CD82: variants seen among roughly 807,000 people sequenced by gnomAD.
CD82 encodes CD82 antigen.
In CD82, 36 loss-of-function variants were observed where a neutral mutation model predicts 37.4. The ratio of observed to expected loss-of-function variants is 0.96; its 90% CI spans 0.74 to 1.27. The LOEUF (loss-of-function observed/expected upper bound fraction) is 1.27, where lower values mean the gene tolerates loss of function less well. Ranked by LOEUF, CD82 falls within the 50% of genes most tolerant of loss-of-function variation. The pLI is 0.00. For missense variants in CD82, 340 were observed against 347.0 expected (o/e 0.98, Z 0.16); for synonymous variants, 158 against 137.4 (o/e 1.15, Z -1.05).
chr11:44,614,501 G>A (rs372979680), intron 6 of CD82, among the ~76,000 whole-genome samples: 2 of 152,240 alleles, frequency 1.3e-5, no homozygotes, highest in East Asian at 3.8e-4. Flanking sequence ...TAGCCACGGG[G>A]GACCCTGTAG....
chr11:44,605,222 C>T (rs774270931), intron 5 of CD82, 40 bp downstream of exon 5: 2 of 1,608,322 alleles, frequency 1.2e-6, no homozygotes, highest in South Asian at 2.2e-5. Flanking sequence ...CCCATTTCCT[C>T]TCATCCAGCC....
chr11:44,568,410 T>A (rs1416962679), intron 1 of CD82, among the ~76,000 whole-genome samples: 1 of 149,382 alleles, frequency 6.7e-6, no homozygotes, highest in Non-Finnish European at 1.5e-5. Context: ...ATTGGGTGAG[T>A]GGCGGGGTTG....
intron 2 of CD82, among the ~76,000 whole-genome samples, chr11:44,590,990 TC>T (rs1285250812): frequency 1.3e-5 from 2 of 152,216 alleles, no homozygotes; most frequent in Non-Finnish European, 2.9e-5. Flanking sequence ...CACCCTCTGC[TC>T]CCTGTCAGTT....
At chr11:44,582,064 A>G (rs181340773) in intron 1 of CD82, among the ~76,000 whole-genome samples, 82 of 152,304 alleles carry the variant, frequency 5.4e-4, no homozygotes, top group Admixed American at 1.1e-3. Context: ...TAATGGCACA[A>G]AGTCAGTAGG....
chr11:44,589,772 C>T (rs1254519417), intron 2 of CD82, among the ~76,000 whole-genome samples: 1 of 152,240 alleles, frequency 6.6e-6, no homozygotes. Flanking sequence ...TCCTGCCACC[C>T]AGCTGGCTGT....
At chr11:44,601,423 G>C (rs1239602987) in intron 4 of CD82, among the ~76,000 whole-genome samples, 2 of 152,138 alleles carry the variant, frequency 1.3e-5, no homozygotes, top group Admixed American at 1.3e-4. Context: ...TAGGGTGGGT[G>C]GGCTACCCGT....
chr11:44,605,081 A>G lies in CD82; in HGVS notation c.160A>G (p.Met54Val). Residue 54 changes from methionine to valine, a missense_variant, in exon 5 of 10, where the codon ATG becomes GTG. Physicochemically the swap from Met to Val is conservative, Grantham distance 21. Coordinates refer to ENST00000227155, the MANE Select transcript of CD82 (RefSeq NM_002231.4). ...AGAAACCTCCTCCAGCTCGCTTAGGATGGGGGCCTATGTCTTCATCGGCGT... is the reference window on the plus strand; with the variant it reads ...AGAAACCTCCTCCAGCTCGCTTAGGGTGGGGGCCTATGTCTTCATCGGCGT... ...VLQTSSSSLR[M>V]GAYVFIGVGA... is the part of the protein sequence containing the mutation. 1 of 1,614,048 alleles carries G rather than the reference A, an allele frequency of 6.2e-7. No individual in the cohort carries two copies. The highest frequency in any genetic ancestry group is 8.5e-7 in the Non-Finnish European group (1 of 1,179,996).
chr11:44,596,986 TG>T (rs1303459756), intron 3 of CD82: 3 of 456,180 alleles, frequency 6.6e-6, no homozygotes, highest in East Asian at 7.0e-5. Flanking sequence ...AAAGGCTTCC[TG>T]GGGTTCTGGG....
At chr11:44,617,434 C>T (rs1330751479) in intron 7 of CD82, among the ~76,000 whole-genome samples, 1 of 152,068 alleles carries the variant, frequency 6.6e-6, no homozygotes, top group Non-Finnish European at 1.5e-5. Flanking sequence ...TGGCGAGTGC[C>T]TGTAATCCCA....
chr11:44,584,201 T>C (rs2134637354), intron 1 of CD82, among the ~76,000 whole-genome samples: 1 of 152,156 alleles, frequency 6.6e-6, no homozygotes, highest in East Asian at 1.9e-4. Context: ...GGTGGGAATG[T>C]TGGGGCTCAG....
chr11:44,571,800 C>G (rs551342844), intron 1 of CD82, among the ~76,000 whole-genome samples: 51 of 152,150 alleles, frequency 3.4e-4, no homozygotes, highest in Non-Finnish European at 6.3e-4. Context: ...CTCTCAAACT[C>G]CTGGCCTCAA....
chr11:44,618,441 C>T, intron 8 of CD82, 76 bp downstream of exon 8: 1 of 1,313,368 alleles, frequency 7.6e-7, no homozygotes, highest in Non-Finnish European at 1.1e-6. Flanking sequence ...TCAGCAATTC[C>T]TTCCTGCATT....
intron 4 of CD82, among the ~76,000 whole-genome samples, chr11:44,602,275 T>C (rs1853319086): frequency 6.6e-6 from 1 of 152,214 alleles, no homozygotes; most frequent in African/African-American, 2.4e-5. Flanking sequence ...ACGGCGGTGC[T>C]GTCCACTAGC....
chr11:44,601,583 T>C (rs769690539), intron 4 of CD82, among the ~76,000 whole-genome samples: 6 of 152,190 alleles, frequency 3.9e-5, no homozygotes, highest in Admixed American at 3.3e-4. Context: ...TTCTGCCCTC[T>C]GCGCCCTGCC....
chr11:44,615,374 G>A lies in CD82; in HGVS notation c.438+1G>A. ...TGCCTGGGACTACGTGCAGGCTCAG[G>A]TGAGGTGGGGCGGGGCTGCAGGAGG... On this transcript the variant is annotated splice_donor_variant, in intron 7 of 9. Coordinates refer to ENST00000227155, the MANE Select transcript of CD82 (RefSeq NM_002231.4). LOFTEE classifies it high-confidence loss of function. 1 of 1,598,952 alleles carries A rather than the reference G, an allele frequency of 6.3e-7. No homozygotes were observed. Among genetic ancestry groups the A allele is most frequent in the Non-Finnish European group, 8.6e-7 (1 of 1,166,284 alleles).
At chr11:44,592,976 C>A (rs1425746697) in intron 2 of CD82, among the ~76,000 whole-genome samples, 1 of 152,208 alleles carries the variant, frequency 6.6e-6, no homozygotes, top group East Asian at 1.9e-4. Flanking sequence ...CATATTATAC[C>A]TCCCAAATCT....
intron 1 of CD82, among the ~76,000 whole-genome samples, chr11:44,577,738 C>A (rs1852918474): frequency 6.6e-6 from 1 of 152,176 alleles, no homozygotes. Context: ...AGCACTGGTG[C>A]CTGGGGGTTC....
At chr11:44,575,403 G>T (rs542014666) in intron 1 of CD82, among the ~76,000 whole-genome samples, 1 of 152,316 alleles carries the variant, frequency 6.6e-6, no homozygotes, top group Non-Finnish European at 1.5e-5. Context: ...ATGAGTCAGT[G>T]GGGGAAAGTT....
rs547873874 is a variant in CD82 at position 44,565,721 on chromosome 11, A to G, written c.-118A>G. 6.6e-6 allele frequency: 1 copy of G among 152,118 alleles called. No individual in the cohort carries two copies. Among genetic ancestry groups the G allele is most frequent in the South Asian group, 2.1e-4 (1 of 4,822 alleles). The allele number at this position is 152,118 out of a possible 1,614,324, so 9.4% of individuals were successfully genotyped here. On this transcript the variant is annotated 5_prime_UTR_variant, in exon 1 of 10. Coordinates refer to ENST00000227155, the MANE Select transcript of CD82 (RefSeq NM_002231.4). ...ACGCTGGGCCTGCAGCGCGGAGCAG[A>G]AAGCAGAACCCGCAGGTGAGCAAGG...
Sources: gnomAD v4.1 joint callset for allele counts (sites outside exome capture counted in the v4.1 genomes callset) on GRCh38, gnomAD v4.1.1 for gene constraint, MANE v1.5 for transcripts, NCBI Gene and HGNC (gene_info 2026-07-23, HGNC 2026-07-21) for gene names.